Variants in PRTG observed in about 807,000 individuals in gnomAD.
The protein encoded by PRTG is protogenin.
A neutral mutation model predicts 122.5 loss-of-function variants in PRTG; 67 were observed. The ratio of observed to expected loss-of-function variants is 0.55; its 90% confidence interval spans 0.45 to 0.67. PRTG has a LOEUF of 0.67. PRTG is among the 30% of genes least tolerant of loss of function. PRTG has a pLI of 0.00. For missense variants in PRTG, 1,435 were observed against 1,415.4 expected (o/e 1.01, Z -0.22); for synonymous variants, 554 against 501.1 (o/e 1.11, Z -1.41).
In PRTG at chr15:55,674,499, T is replaced by C. The variant is rs1384607615; in HGVS notation, c.1547-823A>G. 3.9e-5 allele frequency among the ~76,000 whole-genome samples: 6 copies of C among 152,320 alleles called. No individual in the cohort carries two copies. In the East Asian group the frequency reaches 1.2e-3, roughly 29 times the overall value. ...CCTTAGACATGCATAACAGAGGTTG[T>C]TAATAGCAACGAGGTAACTAGAGAT... On this transcript the variant is annotated intron_variant, in intron 9 of 19. Transcript: ENST00000389286.
intron 2 of PRTG, among the ~76,000 whole-genome samples, chr15:55,703,983 C>G (rs950421875): frequency 4.0e-5 from 6 of 151,034 alleles, no homozygotes; most frequent in African/African-American, 1.5e-4. Context: ...CCTCTGCTGG[C>G]AAAAACAAGC....
At chr15:55,738,002 C>CTA (rs1178371931) in intron 2 of PRTG, among the ~76,000 whole-genome samples, 13 of 96,678 alleles carry the variant, frequency 1.3e-4, no homozygotes, top group Admixed American at 8.9e-4. Flanking sequence ...CTCTCTCTCT[C>CTA]TATATATATA....
intron 4 of PRTG, 62 bp from the exon 5 acceptor site, chr15:55,680,690 T>A: frequency 9.0e-7 from 1 of 1,106,374 alleles, no homozygotes. Context: ...TAAGTGAAAT[T>A]AGTGAGACAT....
Position 55,612,631 on chromosome 15 carries a change from T to C in PRTG, c.*7381A>G, listed in dbSNP as rs1410820523. ...CTTTTAGAGAAAAATCCTAAATATG[T>C]ACTTTTCTCCTCACCCATCTATCCT... On this transcript the variant is annotated 3_prime_UTR_variant, in exon 20 of 20. Transcript: ENST00000389286. 6.8e-6 allele frequency: 1 copy of C among 147,336 alleles called. No homozygotes were observed. Among genetic ancestry groups the C allele is most frequent in the Non-Finnish European group, 1.5e-5 (1 of 66,630 alleles). 9.1% of individuals were successfully genotyped at this position (147,336 alleles called of 1,614,324 possible).
rs2059140328 is a variant in PRTG, at chr15:55,616,017, G to C, written c.*3995C>G. On this transcript the variant is annotated 3_prime_UTR_variant, in exon 20 of 20. Transcript: ENST00000389286. ...ACCTCTGTCATTGTTCCCAATGTTG[G>C]CATTGCTCGTTTCAAGCACAGACAA... is the stretch of plus-strand genomic sequence containing the variant. The C allele has an allele frequency of 6.6e-6, 1 of 151,966 alleles. No homozygotes were observed. The highest frequency in any genetic ancestry group is 2.4e-5 in the African/African-American group (1 of 41,370). The allele number at this position is 151,966 out of a possible 1,614,324, so 9.4% of individuals were successfully genotyped here.
intron 15 of PRTG, among the ~76,000 whole-genome samples, chr15:55,635,081 G>C (rs1434697067): frequency 1.1e-5 from 1 of 91,884 alleles, no homozygotes; most frequent in African/African-American, 4.8e-5. Flanking sequence ...CTGGGTGTGT[G>C]TGTGTGTGTG....
At chr15:55,716,531 A>T (rs1286413752) in intron 2 of PRTG, among the ~76,000 whole-genome samples, 1 of 152,220 alleles carries the variant, frequency 6.6e-6, no homozygotes, top group Non-Finnish European at 1.5e-5. Context: ...AAGCTGCAAC[A>T]TCTCCATAAT....
intron 15 of PRTG, 59 bp downstream of exon 15, chr15:55,637,106 CCTTTT>C (rs1292132703): frequency 8.9e-6 from 11 of 1,234,634 alleles, no homozygotes; most frequent in South Asian, 7.5e-5. Flanking sequence ...ATTCCCCTTT[CCTTTT>C]GTTTCTTTAA....
intron 11 of PRTG, among the ~76,000 whole-genome samples, chr15:55,662,771 A>C (rs2059417112): frequency 6.6e-6 from 1 of 152,178 alleles, no homozygotes; most frequent in Non-Finnish European, 1.5e-5. Flanking sequence ...TCTTTCCTAA[A>C]AGTGACCTAA....
intron 2 of PRTG, among the ~76,000 whole-genome samples, chr15:55,702,054 T>C (rs1337147030): frequency 6.6e-6 from 1 of 152,180 alleles, no homozygotes; most frequent in East Asian, 1.9e-4. Flanking sequence ...CATAGAACTA[T>C]AGATTTGAAA....
intron 11 of PRTG, among the ~76,000 whole-genome samples, chr15:55,644,750 T>C (rs1218341015): frequency 1.3e-5 from 2 of 152,052 alleles, no homozygotes; most frequent in Non-Finnish European, 2.9e-5. Context: ...CAAGATCCTT[T>C]CTATCCAAAT....
At chr15:55,646,927 G>A (rs982527451) in intron 11 of PRTG, among the ~76,000 whole-genome samples, 1 of 152,012 alleles carries the variant, frequency 6.6e-6, no homozygotes, top group African/African-American at 2.4e-5. Flanking sequence ...GCTGTCCCTA[G>A]GACTGGTCTA....
At chr15:55,729,407 G>T (rs1595681983) in intron 2 of PRTG, among the ~76,000 whole-genome samples, 1 of 151,962 alleles carries the variant, frequency 6.6e-6, no homozygotes, top group South Asian at 2.1e-4. Context: ...TCTTTTTGGG[G>T]TGATGAAAAT....
chr15:55,624,257 T>C lies in PRTG; in HGVS notation c.3093+85A>G. The C allele has an allele frequency of 2.5e-6, 3 of 1,217,208 alleles. No individual in the cohort carries two copies. The Admixed American group carries it at 5.9e-5, about 24-fold the overall frequency. The allele number at this position is 1,217,208 out of a possible 1,614,324, so 75.4% of individuals were successfully genotyped here. A position where few individuals can be genotyped will look rare whatever the true frequency, so the allele number is the denominator to read the frequency against. ...GAGTATTGGTATAATACATTCAACA[T>C]ACAATTTTGGGGGAAGTACATTTTA... is the stretch of plus-strand genomic sequence containing the variant. On this transcript the variant is annotated intron_variant, in intron 18 of 19. Transcript: ENST00000389286.
chr15:55,632,466 T>A (rs1320297310), intron 15 of PRTG, among the ~76,000 whole-genome samples: 4 of 152,184 alleles, frequency 2.6e-5, no homozygotes, highest in Non-Finnish European at 5.9e-5. Flanking sequence ...GTAAACCTAA[T>A]CAAAGGTCTC....
chr15:55,612,901 T>C lies in PRTG; in HGVS notation c.*7111A>G, dbSNP rs1474249054. On this transcript the variant is annotated 3_prime_UTR_variant, in exon 20 of 20. Transcript: ENST00000389286. ...CACTTTCTTCTATTGGTTTTGTGTATGCGTACGGGAGATGCAAACATTTTT... is the reference window on the plus strand; with the variant it reads ...CACTTTCTTCTATTGGTTTTGTGTACGCGTACGGGAGATGCAAACATTTTT... 2 of 151,852 alleles carry C rather than the reference T, an allele frequency of 1.3e-5. No individual in the cohort carries two copies. Among genetic ancestry groups the C allele is most frequent in the African/African-American group, 4.8e-5 (2 of 41,342 alleles). The allele number at this position is 151,852 out of a possible 1,614,324, so 9.4% of individuals were successfully genotyped here.
intron 1 of PRTG, among the ~76,000 whole-genome samples, chr15:55,741,615 G>C (rs565866067): frequency 3.9e-5 from 6 of 152,260 alleles, no homozygotes; most frequent in Admixed American, 2.0e-4. Flanking sequence ...CTCACGTATT[G>C]ATTGGGGGTG....
At chr15:55,737,402 C>A (rs2031445984) in intron 2 of PRTG, among the ~76,000 whole-genome samples, 1 of 152,138 alleles carries the variant, frequency 6.6e-6, no homozygotes, top group African/African-American at 2.4e-5. Flanking sequence ...GAATGAACAA[C>A]AGGAAAGCAA....
At chr15:55,716,377 G>T (rs757948510) in intron 2 of PRTG, among the ~76,000 whole-genome samples, 47 of 152,300 alleles carry the variant, frequency 3.1e-4, no homozygotes, top group Non-Finnish European at 5.6e-4. Flanking sequence ...ATGGGCTGAA[G>T]AATGATGGGA....
Sources: gnomAD v4.1 joint callset for allele counts (sites outside exome capture counted in the v4.1 genomes callset) on GRCh38, gnomAD v4.1.1 for gene constraint, MANE v1.5 for transcripts, NCBI Gene and HGNC (gene_info 2026-07-23, HGNC 2026-07-21) for gene names.